Variants in PODXL observed in about 807,000 individuals in gnomAD.
PODXL encodes podocalyxin.
Under a neutral mutation model 48.9 loss-of-function variants are expected in PODXL, and 20 were observed. The observed-to-expected ratio is 0.41, with a 90% CI of 0.29 to 0.59. PODXL has a LOEUF of 0.59. Ranked by LOEUF, PODXL falls within the 20% of genes least tolerant of loss-of-function variation. PODXL has a pLI of 0.31. For missense variants in PODXL, 606 were observed against 675.1 expected (o/e 0.90, Z 1.13); for synonymous variants, 295 against 287.4 (o/e 1.03, Z -0.27).
chr7:131,521,356 C>T (rs541203260), intron 1 of PODXL, among the ~76,000 whole-genome samples: 15 of 122,538 alleles, frequency 1.2e-4, no homozygotes, highest in African/African-American at 3.5e-4. Flanking sequence ...TTTTTTGAGA[C>T]GGAGTCTCAC....
intron 1 of PODXL, among the ~76,000 whole-genome samples, chr7:131,523,464 C>T (rs1351040625): frequency 1.3e-5 from 2 of 151,898 alleles, no homozygotes; most frequent in Non-Finnish European, 2.9e-5. Context: ...GGGCAGATCA[C>T]GAGGTCAGGA....
intron 8 of PODXL, among the ~76,000 whole-genome samples, chr7:131,504,827 C>T (rs1436505969): frequency 6.6e-6 from 1 of 152,210 alleles, no homozygotes; most frequent in East Asian, 1.9e-4. Flanking sequence ...TCTCCAGGCA[C>T]CTACCTCACC....
In PODXL at chr7:131,505,973, G is replaced by T; in HGVS notation, c.1374C>A (p.Phe458Leu). The change falls in exon 8 of 9, where the codon TTC becomes TTA. Residue 458 changes from phenylalanine (F) to leucine (L), a missense_variant. Transcript: ENST00000378555. Reference sequence around the variant, plus strand: ...CGATGGTGATGATGAGGGGCATGCTGAAGCGGTCCTCGGCCTCCTCCGGTG... The same window carrying T: ...CGATGGTGATGATGAGGGGCATGCTTAAGCGGTCCTCGGCCTCCTCCGGTG... ...QGPPEEAEDR[F>L]SMPLIITIVC... The T allele has an allele frequency of 6.2e-7, 1 of 1,611,454 alleles. No individual in the cohort carries two copies.
chr7:131,555,779 G>A (rs545692875), intron 1 of PODXL, among the ~76,000 whole-genome samples: 58 of 152,334 alleles, frequency 3.8e-4, no homozygotes, highest in African/African-American at 5.3e-4. Flanking sequence ...GCCCGCGTGG[G>A]CCGTGGCTGG....
At chr7:131,521,923 C>T (rs1191629025) in intron 1 of PODXL, among the ~76,000 whole-genome samples, 7 of 152,176 alleles carry the variant, frequency 4.6e-5, no homozygotes, top group East Asian at 1.9e-4. Flanking sequence ...AGGGCACTGG[C>T]GGAAACCTCC....
At chr7:131,539,123 G>T (rs188808186) in intron 1 of PODXL, among the ~76,000 whole-genome samples, 1 of 152,186 alleles carries the variant, frequency 6.6e-6, no homozygotes, top group Non-Finnish European at 1.5e-5. Flanking sequence ...GCACCCGGGG[G>T]AGGTGGCAGA....
intron 1 of PODXL, among the ~76,000 whole-genome samples, chr7:131,536,541 G>C (rs1403672830): frequency 2.0e-5 from 3 of 152,084 alleles, no homozygotes; most frequent in South Asian, 4.2e-4. Context: ...TCAGGGCTGG[G>C]GTAGAAGTCA....
intron 1 of PODXL, among the ~76,000 whole-genome samples, chr7:131,542,025 C>T (rs1479282555): frequency 6.6e-6 from 1 of 152,322 alleles, no homozygotes; most frequent in East Asian, 1.9e-4. Context: ...TACACACACA[C>T]TCATGCGCAC....
intron 1 of PODXL, among the ~76,000 whole-genome samples, chr7:131,524,379 C>CACACACAGAGAGAGAGAGAGAG (rs746255906): frequency 2.4e-4 from 25 of 104,106 alleles, no homozygotes; most frequent in African/African-American, 6.4e-4. Context: ...CACACACACA[C>CACACACAGAGAGAGAGAGAGAG]AGAGAGAGAG....
intron 1 of PODXL, among the ~76,000 whole-genome samples, chr7:131,516,237 T>C (rs533596879): frequency 1.2e-3 from 186 of 152,270 alleles, no homozygotes; most frequent in African/African-American, 4.2e-3. Flanking sequence ...TGGAACAATG[T>C]ATAGGAAGAA....
At chr7:131,543,953 A>G (rs1798523397) in intron 1 of PODXL, among the ~76,000 whole-genome samples, 1 of 152,172 alleles carries the variant, frequency 6.6e-6, no homozygotes, top group Non-Finnish European at 1.5e-5. Context: ...CACACCCATC[A>G]GTCCCATGAT....
chr7:131,541,672 C>CAAAA (rs35142409), intron 1 of PODXL, among the ~76,000 whole-genome samples: 1 of 95,682 alleles, frequency 1.0e-5, no homozygotes. Context: ...GACTCCGTCT[C>CAAAA]AAAAAAAAAA....
intron 1 of PODXL, among the ~76,000 whole-genome samples, chr7:131,527,811 G>A (rs1798211580): frequency 6.6e-6 from 1 of 151,310 alleles, no homozygotes; most frequent in African/African-American, 2.4e-5. Context: ...TCCTCCTACT[G>A]TTTCATAGGG....
chr7:131,504,335 A>C lies in PODXL; in HGVS notation c.1653T>G (p.Asp551Glu). 6.2e-7 allele frequency: 1 copy of C among 1,614,092 alleles called. No homozygotes were observed. Among genetic ancestry groups the C allele is most frequent in the South Asian group, 1.1e-5 (1 of 91,080 alleles). ...PLDNLTKDDLDEEEDTHL is the reference protein window; with the variant it reads ...PLDNLTKDDLEEEEDTHL The stretch of plus-strand genomic sequence containing the variant: ...ACTAGAGGTGTGTGTCTTCCTCCTC[A>C]TCCAGGTCGTCCTTGGTCAGGTTGT... Residue 551 changes from aspartate (D) to glutamate (E), a missense_variant, in exon 9 of 9, where the codon GAT becomes GAG. By Grantham distance (45) the Asp-to-Glu change is conservative. Transcript: ENST00000378555.
intron 1 of PODXL, among the ~76,000 whole-genome samples, chr7:131,550,855 G>A (rs1025336271): frequency 6.6e-6 from 1 of 152,034 alleles, no homozygotes; most frequent in Admixed American, 6.6e-5. Context: ...GAGAGTCACT[G>A]GGAACTTGGG....
chr7:131,501,665 C>T lies in PODXL; in HGVS notation c.*2646G>A, dbSNP rs1045045. On this transcript the variant is annotated 3_prime_UTR_variant, in exon 9 of 9. Transcript: ENST00000378555. Reference sequence around the variant, plus strand: ...AAACCACAGTTTACCACTGAAAGAGCTGATGATAAACTGTCTTTGCTACAA... The same window carrying T: ...AAACCACAGTTTACCACTGAAAGAGTTGATGATAAACTGTCTTTGCTACAA... 0.85 allele frequency: 129,093 copies of T among 152,144 alleles called. 55,098 individuals carry two copies. The highest frequency in any genetic ancestry group is 0.91 in the Admixed American group (13,868 of 15,288). 9.4% of individuals were successfully genotyped at this position (152,144 alleles called of 1,614,324 possible). A position where few individuals can be genotyped will look rare whatever the true frequency, so the allele number is the denominator to read the frequency against.
chr7:131,554,069 CTAT>C (rs1798707707), intron 1 of PODXL, among the ~76,000 whole-genome samples: 1 of 152,132 alleles, frequency 6.6e-6, no homozygotes, highest in South Asian at 2.1e-4. Flanking sequence ...GAGACTCGAG[CTAT>C]AAATCTTTCT....
At chr7:131,542,654 C>A (rs1393900837) in intron 1 of PODXL, among the ~76,000 whole-genome samples, 1 of 152,148 alleles carries the variant, frequency 6.6e-6, no homozygotes, top group Non-Finnish European at 1.5e-5. Flanking sequence ...GAGACCCTGT[C>A]TCAACGACGA....
At chr7:131,535,189 AG>A (rs963995259) in intron 1 of PODXL, among the ~76,000 whole-genome samples, 2 of 152,198 alleles carry the variant, frequency 1.3e-5, no homozygotes, top group African/African-American at 4.8e-5. Context: ...AGGGAAGGGA[AG>A]GGGAGTTAGC....
Sources: gnomAD v4.1 joint callset for allele counts (sites outside exome capture counted in the v4.1 genomes callset) on GRCh38, gnomAD v4.1.1 for gene constraint, MANE v1.5 for transcripts, NCBI Gene and HGNC (gene_info 2026-07-23, HGNC 2026-07-21) for gene names.